Variants in PCDH9 observed in about 807,000 individuals in gnomAD.
PCDH9 encodes the protein protocadherin-9.
A neutral mutation model predicts 70.6 loss-of-function variants in PCDH9; 24 were observed. That is an observed-to-expected ratio of 0.34 (90% CI 0.25 to 0.48). The LOEUF is 0.48. Among genes scored for constraint, PCDH9 ranks in the 20% least tolerant of loss-of-function variants. PCDH9 has a pLI of 0.99. For synonymous variants in PCDH9, 562 were observed against 558.5 expected, an observed-to-expected ratio of 1.01 and a Z score of -0.09; for missense variants, 1,281 against 1,503.6, an observed-to-expected ratio of 0.85 and a Z score of 2.45.
chr13:66,958,586 CA>C lies in PCDH9; in HGVS notation c.3037-54982del, dbSNP rs375141682. Among the ~76,000 whole-genome samples the C allele has an allele frequency of 1.0e-3, 152 of 151,542 alleles. 2 individuals are homozygous for C. In the Middle Eastern group the frequency reaches 0.024, roughly 24 times the overall value. ...ATTTTTTTCACACATATCACATTAC[CA>C]AAAAAAATCCTTCCATTCATTTTTC... On this transcript the variant is annotated intron_variant, in intron 2 of 4. Transcript: ENST00000377865.
In PCDH9 at chr13:66,582,021, C is replaced by A. The variant is rs1013639902; in HGVS notation, c.3340+49189G>T. Among the ~76,000 whole-genome samples the A allele has an allele frequency of 2.0e-5, 3 of 152,052 alleles. No homozygotes were observed. The East Asian group carries it at 5.8e-4, about 29-fold the overall frequency. ...CTTCCTCTGGAAAGCCAATGAGAAT[C>A]CCATACTTCATGATATCATTCTGGG... On this transcript the variant is annotated intron_variant, in intron 4 of 4. Transcript: ENST00000377865.
At chr13:66,547,243 A>G (rs1961247980) in intron 4 of PCDH9, among the ~76,000 whole-genome samples, 1 of 152,216 alleles carries the variant, frequency 6.6e-6, no homozygotes, top group African/African-American at 2.4e-5. Context: ...ACTTTGTATG[A>G]CACCTTGAAG....
At chr13:66,376,362 G>A (rs957831825) in intron 4 of PCDH9, among the ~76,000 whole-genome samples, 2 of 152,104 alleles carry the variant, frequency 1.3e-5, no homozygotes, top group African/African-American at 4.8e-5. Context: ...CCTGAGTTAA[G>A]TATTTTTGTT....
intron 2 of PCDH9, among the ~76,000 whole-genome samples, chr13:67,117,606 C>G (rs1276663367): frequency 6.6e-6 from 1 of 152,038 alleles, no homozygotes; most frequent in Non-Finnish European, 1.5e-5. Flanking sequence ...ATACCAAAGG[C>G]TATTTATAAT....
At chr13:66,909,061 T>G (rs886608056) in intron 2 of PCDH9, among the ~76,000 whole-genome samples, 2 of 152,172 alleles carry the variant, frequency 1.3e-5, no homozygotes, top group Non-Finnish European at 2.9e-5. Flanking sequence ...AGTCTGTTTT[T>G]TTTTAATTGC....
chr13:66,445,209 T>C (rs1440030923), intron 4 of PCDH9, among the ~76,000 whole-genome samples: 1 of 147,252 alleles, frequency 6.8e-6, no homozygotes, highest in African/African-American at 2.5e-5. Flanking sequence ...ACTTCAAATA[T>C]ATATAATTTT....
intron 3 of PCDH9, among the ~76,000 whole-genome samples, chr13:66,785,999 C>A (rs922849021): frequency 4.6e-5 from 7 of 152,128 alleles, no homozygotes. Context: ...CGCTGCCCAG[C>A]AATTAAATGA....
At chr13:66,592,091 T>C (rs964280767) in intron 4 of PCDH9, among the ~76,000 whole-genome samples, 1 of 151,706 alleles carries the variant, frequency 6.6e-6, no homozygotes, top group African/African-American at 2.4e-5. Flanking sequence ...TACTTATCAA[T>C]ATAATGAAAT....
intron 4 of PCDH9, among the ~76,000 whole-genome samples, chr13:66,542,774 C>CAT (rs1349611832): frequency 1.4e-5 from 2 of 144,840 alleles, no homozygotes; most frequent in Non-Finnish European, 3.0e-5. Flanking sequence ...TATATTTAAA[C>CAT]ATATATATAT....
At chr13:66,785,284 T>C (rs1266599154) in intron 3 of PCDH9, among the ~76,000 whole-genome samples, 1 of 152,040 alleles carries the variant, frequency 6.6e-6, no homozygotes, top group Non-Finnish European at 1.5e-5. Context: ...GTATTATCTA[T>C]TATGCCTCTA....
chr13:66,541,882 A>C (rs1296645696), intron 4 of PCDH9, among the ~76,000 whole-genome samples: 2 of 152,146 alleles, frequency 1.3e-5, no homozygotes, highest in Non-Finnish European at 2.9e-5. Flanking sequence ...GAATCAGAGA[A>C]GTTCCTTGGA....
intron 4 of PCDH9, among the ~76,000 whole-genome samples, chr13:66,505,356 G>A (rs1269629480): frequency 2.6e-5 from 4 of 152,064 alleles, no homozygotes; most frequent in Non-Finnish European, 4.4e-5. Flanking sequence ...TTACATGGCA[G>A]CAGGCAAGAG....
chr13:66,681,497 T>G (rs765090627), intron 3 of PCDH9, among the ~76,000 whole-genome samples: 1 of 152,134 alleles, frequency 6.6e-6, no homozygotes, highest in Non-Finnish European at 1.5e-5. Flanking sequence ...ACAGGACTTA[T>G]GCAGCCTCCA....
intron 4 of PCDH9, among the ~76,000 whole-genome samples, chr13:66,408,050 CT>C (rs34109335): frequency 0.019 from 2,446 of 132,204 alleles, 45 homozygotes; most frequent in African/African-American, 0.062. Flanking sequence ...GCAGGGATCA[CT>C]TTTTTTTTTT....
At chr13:67,027,307 A>G (rs2084804245) in intron 2 of PCDH9, among the ~76,000 whole-genome samples, 1 of 152,280 alleles carries the variant, frequency 6.6e-6, no homozygotes, top group African/African-American at 2.4e-5. Flanking sequence ...AAAAACAAGA[A>G]ATGGGGAAAG....
At chr13:66,868,361 T>A (rs751788104) in intron 3 of PCDH9, among the ~76,000 whole-genome samples, 3 of 152,088 alleles carry the variant, frequency 2.0e-5, no homozygotes, top group Non-Finnish European at 4.4e-5. Flanking sequence ...CATCATCAAA[T>A]TTTTTATAGA....
chr13:66,826,495 C>A (rs2080826056), intron 3 of PCDH9, among the ~76,000 whole-genome samples: 1 of 151,934 alleles, frequency 6.6e-6, no homozygotes, highest in Non-Finnish European at 1.5e-5. Context: ...TAATTAACAC[C>A]TGTTAGGCCG....
intron 4 of PCDH9, among the ~76,000 whole-genome samples, chr13:66,348,742 C>G (rs1956250302): frequency 7.3e-6 from 1 of 137,134 alleles, no homozygotes; most frequent in Non-Finnish European, 1.5e-5. Flanking sequence ...CTGATAGATT[C>G]TACTTGCTCA....
chr13:66,497,493 A>T (rs1180067330), intron 4 of PCDH9, among the ~76,000 whole-genome samples: 1 of 152,182 alleles, frequency 6.6e-6, no homozygotes, highest in East Asian at 1.9e-4. Flanking sequence ...TCATTTGCCC[A>T]GATGTCACAC....
Sources: allele counts gnomAD v4.1 joint callset (sites outside exome capture counted in the v4.1 genomes callset), GRCh38; gene constraint gnomAD v4.1.1; transcripts MANE v1.5; gene names NCBI Gene and HGNC (gene_info 2026-07-23, HGNC 2026-07-21).